Variants in MAP1B observed in about 807,000 individuals in gnomAD.
MAP1B encodes the protein microtubule-associated protein 1B.
A neutral mutation model predicts 176.1 loss-of-function variants in MAP1B; 12 were observed. The ratio of observed to expected loss-of-function variants is 0.07; its 90% CI spans 0.04 to 0.11. MAP1B has a LOEUF of 0.11. MAP1B is among the 10% of genes least tolerant of loss of function. The probability of loss-of-function intolerance (pLI) is 1.00; values close to 1 mark genes in which losing one functional copy is unlikely to be tolerated. For missense variants in MAP1B, 2,523 were observed against 2,990.5 expected, an observed-to-expected ratio of 0.84 and a Z score of 3.65; for synonymous variants, 1,044 against 1,135.0, an observed-to-expected ratio of 0.92 and a Z score of 1.61.
chr5:72,191,253 T>A (rs373813108), intron 4 of MAP1B, among the ~76,000 whole-genome samples: 4 of 152,156 alleles, frequency 2.6e-5, no homozygotes, highest in African/African-American at 9.7e-5. Context: ...ATGTTTAGAG[T>A]AGTGGGTTAT....
intron 2 of MAP1B, among the ~76,000 whole-genome samples, chr5:72,159,197 A>G (rs977538654): frequency 2.0e-5 from 3 of 152,218 alleles, no homozygotes; most frequent in African/African-American, 4.8e-5. Context: ...CTGGAAGAAA[A>G]AAAACAGTCC....
chr5:72,194,700 G>C lies in MAP1B; in HGVS notation c.1345G>C (p.Ala449Pro). ...QQWTGTNKDK[A>P]EFILPNGQEV... is the part of the protein sequence containing the mutation. ...GTGGACTGGTACCAACAAAGACAAG[G>C]CTGAATTCATTCTGCCTAATGGTCA... The change falls in exon 5 of 7, where the codon GCT (alanine) becomes CCT (proline). Residue 449 changes from alanine (A) to proline (P), a missense_variant. This residue lies in a region of MAP1B where 1,925 missense variants were observed against 2,126.0 expected (regional missense o/e 0.91). Transcript: ENST00000296755. This position sits in a 1 kb window ranked among gnomAD's most constrained non-coding sequence, Gnocchi z 7.2. The C allele has an allele frequency of 6.2e-7, 1 of 1,614,146 alleles. No homozygotes were observed.
chr5:72,159,675 T>C (rs1746294052), intron 2 of MAP1B, among the ~76,000 whole-genome samples: 1 of 152,202 alleles, frequency 6.6e-6, no homozygotes, highest in Non-Finnish European at 1.5e-5. Flanking sequence ...CGTTGATAGA[T>C]TTTAGAGGCA....
chr5:72,131,474 A>T (rs1027932735), intron 2 of MAP1B, among the ~76,000 whole-genome samples: 4 of 152,240 alleles, frequency 2.6e-5, no homozygotes, highest in Admixed American at 6.5e-5. Context: ...AAATAGGAAC[A>T]ATCCAATAGA....
At chr5:72,176,205 G>A (rs1236861299) in intron 2 of MAP1B, among the ~76,000 whole-genome samples, 1 of 151,800 alleles carries the variant, frequency 6.6e-6, no homozygotes, top group Non-Finnish European at 1.5e-5. Flanking sequence ...ACACACGTGT[G>A]TGCACGCACA....
intron 2 of MAP1B, among the ~76,000 whole-genome samples, chr5:72,180,235 T>A (rs1389960673): frequency 6.6e-6 from 1 of 152,212 alleles, no homozygotes. Context: ...TTGTATGGAT[T>A]CCTGCAGAAT....
chr5:72,139,115 CTA>C, intron 2 of MAP1B, among the ~76,000 whole-genome samples: 1 of 152,276 alleles, frequency 6.6e-6, no homozygotes, highest in South Asian at 2.1e-4. Context: ...CTTATGAATA[CTA>C]ACCTCAGAAA....
chr5:72,133,688 T>G (rs924203012), intron 2 of MAP1B, among the ~76,000 whole-genome samples: 1 of 152,186 alleles, frequency 6.6e-6, no homozygotes, highest in Non-Finnish European at 1.5e-5. Context: ...AACAATGCTT[T>G]TACAAAATAC....
intron 2 of MAP1B, among the ~76,000 whole-genome samples, chr5:72,140,820 G>A (rs1352684775): frequency 7.2e-5 from 11 of 152,226 alleles, no homozygotes; most frequent in African/African-American, 2.7e-4. Context: ...CAAGATCAAA[G>A]TGGACCTGGT....
chr5:72,129,288 G>A (rs1302492181), intron 2 of MAP1B, among the ~76,000 whole-genome samples: 1 of 152,286 alleles, frequency 6.6e-6, no homozygotes, highest in East Asian at 1.9e-4. Flanking sequence ...GGGTGTGGTG[G>A]CTCACGCCTG....
rs1580036072 is a variant in MAP1B at position 72,206,489 on chromosome 5, T to C, written c.*1250T>C. The C allele has an allele frequency of 6.6e-6, 1 of 152,664 alleles. No homozygotes were observed. Among genetic ancestry groups the C allele is most frequent in the South Asian group, 2.1e-4 (1 of 4,836 alleles). 9.5% of individuals were successfully genotyped at this position (152,664 alleles called of 1,614,324 possible). A position where few individuals can be genotyped will look rare whatever the true frequency, so the allele number is the denominator to read the frequency against. On this transcript the variant is annotated 3_prime_UTR_variant, in exon 7 of 7. Transcript: ENST00000296755. ...AGAACTGGGAAAACAGTGAATCTTA[T>C]GGTGGAAGAGGTTCTCAGCAAGTGT...
intron 2 of MAP1B, among the ~76,000 whole-genome samples, chr5:72,177,550 G>C (rs982835860): frequency 8.5e-5 from 13 of 152,178 alleles, no homozygotes; most frequent in Non-Finnish European, 1.8e-4. Flanking sequence ...TGGAAGAAAA[G>C]GTTCACTACA....
rs888005626 is a variant in MAP1B, at chr5:72,120,527, C to T, written c.286+4728C>T. ...GCAAGCTCCGCCTCCCGGGTTCACA[C>T]CATTCTCCTGCTTCAGTCTCCCGAG... On this transcript the variant is annotated intron_variant, in intron 2 of 6. Transcript: ENST00000296755. Among the ~76,000 whole-genome samples the T allele has an allele frequency of 2.6e-5, 4 of 151,860 alleles. No homozygotes were observed. In the South Asian group the frequency reaches 6.2e-4, roughly 24 times the overall value.
At chr5:72,133,016 C>A (rs1051140923) in intron 2 of MAP1B, among the ~76,000 whole-genome samples, 2 of 152,156 alleles carry the variant, frequency 1.3e-5, no homozygotes, top group Non-Finnish European at 2.9e-5. Context: ...ACCCGCTCAT[C>A]TAGAACCTGG....
chr5:72,150,463 A>G (rs1746120820), intron 2 of MAP1B, among the ~76,000 whole-genome samples: 1 of 152,234 alleles, frequency 6.6e-6, no homozygotes, highest in Non-Finnish European at 1.5e-5. Flanking sequence ...AGGGCTGCAT[A>G]TAGGACAGAT....
intron 2 of MAP1B, among the ~76,000 whole-genome samples, chr5:72,146,891 C>T (rs946651396): frequency 1.4e-4 from 22 of 152,106 alleles, no homozygotes; most frequent in Admixed American, 1.3e-4. Context: ...AAAGCAGCAC[C>T]TCCTTGGCTA....
chr5:72,147,143 A>G (rs1176756219), intron 2 of MAP1B, among the ~76,000 whole-genome samples: 2 of 151,716 alleles, frequency 1.3e-5, no homozygotes, highest in African/African-American at 2.4e-5. Flanking sequence ...TAATTTTTGT[A>G]TTTTTAGTAG....
chr5:72,160,093 T>C (rs1353931418), intron 2 of MAP1B, among the ~76,000 whole-genome samples: 2 of 152,160 alleles, frequency 1.3e-5, no homozygotes, highest in African/African-American at 4.8e-5. Context: ...TTTATCTTCT[T>C]CCCCTTTTTT....
chr5:72,148,828 G>A (rs910269780), intron 2 of MAP1B, among the ~76,000 whole-genome samples: 1 of 152,218 alleles, frequency 6.6e-6, no homozygotes, highest in African/African-American at 2.4e-5. Context: ...TCAGGGAGAG[G>A]AGTTAGGAGA....
Sources: gnomAD v4.1 joint callset for allele counts (sites outside exome capture counted in the v4.1 genomes callset) on GRCh38, gnomAD v4.1.1 for gene constraint, gnomAD v4.1.1 regional missense constraint, Gnocchi (gnomAD v3.1) non-coding constraint, MANE v1.5 for transcripts, NCBI Gene and HGNC (gene_info 2026-07-23, HGNC 2026-07-21) for gene names.